Variants in FSTL5 observed in about 807,000 individuals in gnomAD.
FSTL5 encodes follistatin like 5, also known as follistatin-related protein 5.
In FSTL5, 62 loss-of-function variants were observed where a neutral mutation model predicts 89.1. That is an observed-to-expected ratio of 0.70 (90% CI 0.57 to 0.86). The LOEUF (loss-of-function observed/expected upper bound fraction) is 0.86, where lower values mean the gene tolerates loss of function less well. Ranked by LOEUF, FSTL5 falls within the 40% of genes least tolerant of loss-of-function variation. The pLI, the probability that FSTL5 is intolerant of heterozygous loss-of-function variation, is 0.00. For missense variants in FSTL5, 1,057 were observed against 1,001.6 expected (o/e 1.06, Z -0.75); for synonymous variants, 383 against 346.2 (o/e 1.11, Z -1.18).
chr4:162,138,816 A>T (rs1339461164), intron 1 of FSTL5, among the ~76,000 whole-genome samples: 1 of 152,052 alleles, frequency 6.6e-6, no homozygotes, highest in East Asian at 1.9e-4. Flanking sequence ...CAAAATCGAA[A>T]ATCTTTAGAC....
At chr4:161,714,441 CAGTG>C (rs1179818494) in intron 6 of FSTL5, among the ~76,000 whole-genome samples, 1 of 152,006 alleles carries the variant, frequency 6.6e-6, no homozygotes, top group Non-Finnish European at 1.5e-5. Context: ...ATAATATACA[CAGTG>C]AGAGCTATCG....
intron 7 of FSTL5, among the ~76,000 whole-genome samples, chr4:161,649,957 C>T (rs950508290): frequency 6.6e-6 from 1 of 152,176 alleles, no homozygotes. Context: ...TGGATGGAAG[C>T]CATGGTCTTG....
rs17041226 is a variant in FSTL5 at position 161,605,720 on chromosome 4, A to G, written c.895-18145T>C. Among the ~76,000 whole-genome samples, 816 of 152,336 alleles carry G rather than the reference A, an allele frequency of 5.4e-3. 7 individuals carry two copies. Among genetic ancestry groups the G allele is most frequent in the African/African-American group, 0.018 (763 of 41,578 alleles). ...AAATGTCTTCACCCTTCAGTGGAGA[A>G]CCATTTCCTGTCTTGGAAGATAAGT... On this transcript the variant is annotated intron_variant, in intron 7 of 15. Transcript: ENST00000306100.
At chr4:162,070,293 T>C (rs1169153652) in intron 2 of FSTL5, among the ~76,000 whole-genome samples, 1 of 151,878 alleles carries the variant, frequency 6.6e-6, no homozygotes, top group Non-Finnish European at 1.5e-5. Context: ...CCTTTGCAAG[T>C]GTTTTATCCT....
chr4:162,130,080 A>G (rs954845790), intron 1 of FSTL5, among the ~76,000 whole-genome samples: 2 of 152,180 alleles, frequency 1.3e-5, no homozygotes, highest in Admixed American at 6.5e-5. Context: ...TCGCCCTGCC[A>G]TTTTAAGCAA....
At chr4:162,152,977 A>G (rs78524866) in intron 1 of FSTL5, among the ~76,000 whole-genome samples, 5,199 of 152,122 alleles carry the variant, frequency 0.034, 147 homozygotes, top group South Asian at 0.1. Flanking sequence ...TTTTTTCATG[A>G]TATGTGCCTT....
chr4:161,861,803 A>G (rs1484165298), intron 4 of FSTL5, among the ~76,000 whole-genome samples: 1 of 152,254 alleles, frequency 6.6e-6, no homozygotes, highest in East Asian at 1.9e-4. Flanking sequence ...CAAGATGGAA[A>G]GAAAATATAT....
At chr4:161,549,987 G>A (rs749688089) in intron 8 of FSTL5, among the ~76,000 whole-genome samples, 5 of 151,798 alleles carry the variant, frequency 3.3e-5, no homozygotes, top group Non-Finnish European at 7.4e-5. Context: ...AGTTAAAGCC[G>A]TCACGTCAGG....
intron 12 of FSTL5, among the ~76,000 whole-genome samples, chr4:161,482,432 A>G (rs1053054774): frequency 6.6e-6 from 1 of 152,184 alleles, no homozygotes; most frequent in Non-Finnish European, 1.5e-5. Context: ...GTCTAATTTC[A>G]TTTATTTGTA....
intron 5 of FSTL5, 50 bp from the exon 6 acceptor site, chr4:161,759,581 CTATAA>C (rs1740711110): frequency 1.8e-6 from 2 of 1,141,244 alleles, no homozygotes; most frequent in Non-Finnish European, 2.4e-6. Flanking sequence ...CTTAAAATTT[CTATAA>C]TATAATTTAT....
intron 7 of FSTL5, among the ~76,000 whole-genome samples, chr4:161,644,071 A>C (rs1736055557): frequency 6.6e-6 from 1 of 152,140 alleles, no homozygotes; most frequent in African/African-American, 2.4e-5. Context: ...ATTCTGATGT[A>C]ACAAGTACTT....
At chr4:161,900,913 T>G (rs1733343485) in intron 4 of FSTL5, among the ~76,000 whole-genome samples, 1 of 152,228 alleles carries the variant, frequency 6.6e-6, no homozygotes, top group Admixed American at 6.5e-5. Context: ...ATATCAGTAC[T>G]GTTTAACTTT....
chr4:161,548,386 G>A (rs1279147240), intron 8 of FSTL5, among the ~76,000 whole-genome samples: 1 of 151,898 alleles, frequency 6.6e-6, no homozygotes, highest in Non-Finnish European at 1.5e-5. Context: ...AGAGTTGAAA[G>A]AGGTGTGGTA....
chr4:162,047,866 C>A (rs1433014260), intron 2 of FSTL5, among the ~76,000 whole-genome samples: 3 of 151,938 alleles, frequency 2.0e-5, no homozygotes, highest in Non-Finnish European at 4.4e-5. Context: ...CAACAAAAAA[C>A]TATGAGTTCG....
intron 7 of FSTL5, among the ~76,000 whole-genome samples, chr4:161,615,019 G>T (rs1024023822): frequency 6.6e-6 from 1 of 152,034 alleles, no homozygotes; most frequent in Non-Finnish European, 1.5e-5. Context: ...CTTTGGCTGG[G>T]CGCGGTGGCT....
chr4:162,123,564 A>G (rs1731952719), intron 1 of FSTL5, among the ~76,000 whole-genome samples: 1 of 152,162 alleles, frequency 6.6e-6, no homozygotes, highest in South Asian at 2.1e-4. Context: ...ATCCTTGTAG[A>G]TGAACGTTTG....
At chr4:162,046,218 G>C (rs1175174683) in intron 2 of FSTL5, among the ~76,000 whole-genome samples, 1 of 152,068 alleles carries the variant, frequency 6.6e-6, no homozygotes, top group African/African-American at 2.4e-5. Context: ...TCTGACCTCT[G>C]AAGTTCATAT....
At chr4:162,114,644 A>G (rs558342113) in intron 1 of FSTL5, among the ~76,000 whole-genome samples, 40 of 152,242 alleles carry the variant, frequency 2.6e-4, no homozygotes, top group African/African-American at 8.9e-4. Context: ...ATAAGTTACT[A>G]AAAATCTTAT....
intron 4 of FSTL5, among the ~76,000 whole-genome samples, chr4:161,795,736 T>C (rs1308192799): frequency 6.6e-6 from 1 of 152,036 alleles, no homozygotes; most frequent in Non-Finnish European, 1.5e-5. Flanking sequence ...TTGTGTTGTG[T>C]TGGTACTCTT....
Sources: gnomAD v4.1 joint callset for allele counts (sites outside exome capture counted in the v4.1 genomes callset) on GRCh38, gnomAD v4.1.1 for gene constraint, MANE v1.5 for transcripts, NCBI Gene and HGNC (gene_info 2026-07-23, HGNC 2026-07-21) for gene names.